Variants in TAT observed in about 807,000 individuals in gnomAD.
TAT encodes the protein tyrosine aminotransferase.
A neutral mutation model predicts 53.6 loss-of-function variants in TAT; 35 were observed. The ratio of observed to expected loss-of-function variants is 0.65; its 90% confidence interval spans 0.50 to 0.87. The LOEUF is 0.87. TAT is among the 40% of genes least tolerant of loss of function. The pLI, the probability that TAT is intolerant of heterozygous loss-of-function variation, is 0.00. For missense variants in TAT, 525 were observed against 571.8 expected, an observed-to-expected ratio of 0.92 and a Z score of 0.83; for synonymous variants, 197 against 206.5, an observed-to-expected ratio of 0.95 and a Z score of 0.39.
Position 71,576,427 on chromosome 16 carries a change from C to A in TAT, c.-12G>T, listed in dbSNP as rs367620531. On this transcript the variant is annotated splice_region_variant and 5_prime_UTR_variant, in exon 2 of 12. Coordinates refer to ENST00000355962, the MANE Select transcript of TAT (RefSeq NM_000353.3). Reference sequence around the variant, plus strand: ...ATGTATGGGTCCATCACTAGCGAAGCCTGCGAGGGGAAAGAAGTTCCCTGT... The same window carrying A: ...ATGTATGGGTCCATCACTAGCGAAGACTGCGAGGGGAAAGAAGTTCCCTGT... The A allele has an allele frequency of 8.1e-6, 13 of 1,613,362 alleles. No individual in the cohort carries two copies. The African/African-American group carries it at 1.5e-4, about 18-fold the overall frequency.
chr16:71,576,765 C>A (rs1271870709), intron 1 of TAT, among the ~76,000 whole-genome samples: 1 of 152,186 alleles, frequency 6.6e-6, no homozygotes, highest in East Asian at 1.9e-4. Context: ...GGTTCTCCTT[C>A]CTTTCCATGC....
chr16:71,576,061 A>T (rs201748511), intron 2 of TAT, 35 bp from the exon 3 acceptor site: 27 of 1,612,414 alleles, frequency 1.7e-5, no homozygotes, highest in Non-Finnish European at 2.2e-5. Flanking sequence ...AGGAGCCAAG[A>T]GGTTATTCTC....
chr16:71,568,517 C>T lies in TAT; in HGVS notation c.1224+194G>A, dbSNP rs1016060247. On this transcript the variant is annotated intron_variant, in intron 11 of 11. Coordinates refer to ENST00000355962, the MANE Select transcript of TAT (RefSeq NM_000353.3). ...AGAACGTTTGTTTACAACTTTTCTT[C>T]CCAGTATGGATGGGATTATGATGGG... is the stretch of plus-strand genomic sequence containing the variant. 33 of 688,596 alleles carry T rather than the reference C, an allele frequency of 4.8e-5. No individual in the cohort carries two copies. In the African/African-American group the frequency reaches 5.5e-4, roughly 12 times the overall value. The allele number at this position is 688,596 out of a possible 1,614,324, so 42.7% of individuals were successfully genotyped here. A position where few individuals can be genotyped will look rare whatever the true frequency, so the allele number is the denominator to read the frequency against.
At position 71,567,913 on chromosome 16, in the gene TAT, A is replaced by T; in HGVS notation, c.*231T>A. ...TTACGAGAGGGAGGCAGATTAATGA[A>T]TTAGTGAGTCACTCTAGCAGCGCAG... On this transcript the variant is annotated 3_prime_UTR_variant, in exon 12 of 12. Transcript: ENST00000355962. 2 of 561,492 alleles carry T rather than the reference A, an allele frequency of 3.6e-6. No individual in the cohort carries two copies. The highest frequency in any genetic ancestry group is 6.4e-6 in the Non-Finnish European group (2 of 313,574). 34.8% of individuals were successfully genotyped at this position (561,492 alleles called of 1,614,324 possible).
At position 71,568,130 on chromosome 16, in the gene TAT, G is replaced by A; in HGVS notation, c.*14C>T. On this transcript the variant is annotated 3_prime_UTR_variant, in exon 12 of 12. Transcript: ENST00000355962. Reference sequence around the variant, plus strand: ...CCCTAGATGGGACACATCCTCAGGAGAATGGATGCAGGCCTATTTATCACA... The same window carrying A: ...CCCTAGATGGGACACATCCTCAGGAAAATGGATGCAGGCCTATTTATCACA... The A allele has an allele frequency of 6.2e-7, 1 of 1,614,202 alleles. No homozygotes were observed. Among genetic ancestry groups the A allele is most frequent in the Admixed American group, 1.7e-5 (1 of 60,028 alleles).
rs1256236103 is a variant in TAT at position 71,565,663 on chromosome 16, C to A, written c.*2481G>T. ...TTGACCTCCAGAGCGCGCAGAATTA[C>A]AAAGTTGAGTAATACTTTATTTGAA... On this transcript the variant is annotated 3_prime_UTR_variant, in exon 12 of 12. Transcript: ENST00000355962. 6.6e-6 allele frequency: 1 copy of A among 151,532 alleles called. No homozygotes were observed. Among genetic ancestry groups the A allele is most frequent in the Non-Finnish European group, 1.5e-5 (1 of 68,056 alleles). The allele number at this position is 151,532 out of a possible 1,614,324, so 9.4% of individuals were successfully genotyped here.
chr16:71,568,618 G>T, intron 11 of TAT, 93 bp downstream of exon 11: 1 of 952,582 alleles, frequency 1.0e-6, no homozygotes, highest in Non-Finnish European at 1.7e-6. Flanking sequence ...ACATTTTGTT[G>T]GAGGAGAAAA....
Position 71,570,149 on chromosome 16 carries a change from C to T in TAT, c.1041+120G>A, listed in dbSNP as rs13339247. On this transcript the variant is annotated intron_variant, in intron 9 of 11. Coordinates refer to ENST00000355962, the MANE Select transcript of TAT (RefSeq NM_000353.3). ...GAAACGTGTGTGTGGATGCTTACACCGATGCCGTCTCCTAATATTGGAACA... is the reference window on the plus strand; with the variant it reads ...GAAACGTGTGTGTGGATGCTTACACTGATGCCGTCTCCTAATATTGGAACA... 13,207 of 1,512,242 alleles carry T rather than the reference C, an allele frequency of 8.7e-3. 902 individuals are homozygous for T. The African/African-American group carries it at 0.15, about 18-fold the overall frequency. 93.7% of individuals were successfully genotyped at this position (1,512,242 alleles called of 1,614,324 possible).
chr16:71,573,592 G>C lies in TAT; in HGVS notation c.355C>G (p.Arg119Gly). ...TGGTAATAAGAAGCAATCTCCTCCC[G>C]ACTGGATAGGAAGCCTGAAAGAAAA... Reference protein sequence around the residue: ...YAPSIGFLSSREEIASYYHCP... With the variant: ...YAPSIGFLSSGEEIASYYHCP... The change falls in exon 4 of 12, where the codon CGG becomes GGG. Residue 119 changes from arginine to glycine, a missense_variant. Transcript: ENST00000355962. 1.9e-6 allele frequency: 3 copies of C among 1,553,914 alleles called. No individual in the cohort carries two copies. Among genetic ancestry groups the C allele is most frequent in the Non-Finnish European group, 2.6e-6 (3 of 1,148,062 alleles).
chr16:71,568,366 C>T (rs1454496800), intron 11 of TAT, 82 bp from the exon 12 acceptor site: 3 of 1,417,134 alleles, frequency 2.1e-6, no homozygotes, highest in Non-Finnish European at 3.0e-6. Context: ...CCCTGATCCA[C>T]AAGAAGTGGT....
At position 71,567,971 on chromosome 16, in the gene TAT, G is replaced by T; in HGVS notation, c.*173C>A. On this transcript the variant is annotated 3_prime_UTR_variant, in exon 12 of 12. Transcript: ENST00000355962. ...GAGAATCTGCGATGTGAATGAGGAG[G>T]ATCTGAGTGTGGGTGTGGTTGTACT... 1 of 706,640 alleles carries T rather than the reference G, an allele frequency of 1.4e-6. No individual in the cohort carries two copies. The allele number at this position is 706,640 out of a possible 1,614,324, so 43.8% of individuals were successfully genotyped here.
chr16:71,571,913 T>G, intron 6 of TAT: 1 of 626,196 alleles, frequency 1.6e-6, no homozygotes, highest in South Asian at 2.0e-5. Context: ...AACTAGATAT[T>G]TCAGACCCTA....
At chr16:71,569,969 C>T (rs1319034066) in intron 9 of TAT, 32 bp from the exon 10 acceptor site, 1 of 1,594,992 alleles carries the variant, frequency 6.3e-7, no homozygotes, top group East Asian at 2.3e-5. Context: ...AATCAAGGAT[C>T]AAAATTTAAG....
intron 10 of TAT, 48 bp downstream of exon 10, chr16:71,569,799 CTGCCCTT>C (rs917471753): frequency 3.4e-4 from 530 of 1,539,420 alleles, no homozygotes; most frequent in Non-Finnish European, 1.8e-4. Context: ...TGCTGAATGA[CTGCCCTT>C]TGCCTTACAA....
At chr16:71,574,689 C>T (rs2044225264) in intron 3 of TAT, among the ~76,000 whole-genome samples, 1 of 149,336 alleles carries the variant, frequency 6.7e-6, no homozygotes, top group African/African-American at 2.5e-5. Context: ...TATTTTTGTA[C>T]AAATTTTTAT....
chr16:71,573,002 T>C (rs1046640183), intron 4 of TAT, among the ~76,000 whole-genome samples: 1 of 152,222 alleles, frequency 6.6e-6, no homozygotes, highest in Non-Finnish European at 1.5e-5. Flanking sequence ...GAAGCCTGGC[T>C]CTTCGCTGAC....
intron 3 of TAT, 146 bp downstream of exon 3, chr16:71,575,776 C>T: frequency 4.4e-6 from 4 of 900,818 alleles, no homozygotes; most frequent in Non-Finnish European, 7.2e-6. Context: ...AGACCCGGTT[C>T]CCAAATCCAA....
Position 71,567,553 on chromosome 16 carries a change from T to G in TAT, c.*591A>C, listed in dbSNP as rs2044172656. On this transcript the variant is annotated 3_prime_UTR_variant, in exon 12 of 12. Coordinates refer to ENST00000355962, the MANE Select transcript of TAT (RefSeq NM_000353.3). ...ATATTTATTTGCATCACAAAATAAT[T>G]CTTTACTCCCCCCAAAAATCAATAA... 6.5e-6 allele frequency: 1 copy of G among 152,750 alleles called. No homozygotes were observed. The highest frequency in any genetic ancestry group is 1.5e-5 in the Non-Finnish European group (1 of 68,450). The allele number at this position is 152,750 out of a possible 1,614,324, so 9.5% of individuals were successfully genotyped here.
chr16:71,571,626 C>T lies in TAT; in HGVS notation c.739G>A (p.Asp247Asn). ...CTCACCATGTCTCCATAGATCTCAT[C>T]AGCTAAGATGGGGACACACTGCCGT... ...AARQCVPILA[D>N]EIYGDMVFSD... Residue 247 changes from aspartate (D) to asparagine (N), a missense_variant, in exon 7 of 12, where the codon GAT becomes AAT. By Grantham distance (23) the Asp-to-Asn change is conservative (BLOSUM62 1). Transcript: ENST00000355962. 2 of 1,614,120 alleles carry T rather than the reference C, an allele frequency of 1.2e-6. No homozygotes were observed. The highest frequency in any genetic ancestry group is 1.7e-6 in the Non-Finnish European group (2 of 1,179,996).
Sources: allele counts gnomAD v4.1 joint callset (sites outside exome capture counted in the v4.1 genomes callset), GRCh38; gene constraint gnomAD v4.1.1; transcripts MANE v1.5; gene names NCBI Gene and HGNC (gene_info 2026-07-23, HGNC 2026-07-21).